The following MBTPS2 variants were observed in gnomAD, a reference collection of about 807,000 sequenced individuals.
The protein encoded by MBTPS2 is membrane-bound transcription factor site-2 protease.
Under a neutral mutation model 35.4 loss-of-function variants are expected in MBTPS2, and 2 were observed. That is an observed-to-expected ratio of 0.06 (90% CI 0.02 to 0.18). The LOEUF (loss-of-function observed/expected upper bound fraction) is 0.18. MBTPS2 is among the 10% of genes least tolerant of loss of function. The pLI is 1.00. For missense variants in MBTPS2, 244 were observed against 386.5 expected (o/e 0.63, Z 3.09); for synonymous variants, 125 against 140.4 (o/e 0.89, Z 0.77).
intron 5 of MBTPS2, among the ~76,000 whole-genome samples, chrX:21,862,500 GAA>G (rs1320187213): frequency 9.1e-6 from 1 of 109,872 alleles, no homozygotes; most frequent in Admixed American, 9.8e-5. Flanking sequence ...ATGCTAAGGG[GAA>G]AAAAAGAGTT....
chrX:21,883,407 T>G lies in MBTPS2; in HGVS notation c.*752T>G, dbSNP rs772623476. The G allele has an allele frequency of 1.3e-6, 1 of 752,967 alleles. No individual in the cohort carries two copies. The highest frequency in any genetic ancestry group is 1.5e-4 in the East Asian group (1 of 6,562). 62.1% of individuals were successfully genotyped at this position (752,967 alleles called of 1,213,427 possible). On this transcript the variant is annotated 3_prime_UTR_variant, in exon 11 of 11. Transcript: ENST00000379484. Reference sequence around the variant, plus strand: ...CAGGAAGCATCACACACCAGCAGCATGTGAGCAGAGGGAGGCAGTTGGGGT... The same window carrying G: ...CAGGAAGCATCACACACCAGCAGCAGGTGAGCAGAGGGAGGCAGTTGGGGT...
In MBTPS2 at chrX:21,869,576, G is replaced by A. The variant is rs1423227658; in HGVS notation, c.868G>A (p.Val290Met). 8.3e-7 allele frequency: 1 copy of A among 1,208,556 alleles called. No individual in the cohort carries two copies. Among genetic ancestry groups the A allele is most frequent in the South Asian group, 1.8e-5 (1 of 56,920 alleles). Residue 290 changes from valine to methionine, a missense_variant, in exon 7 of 11, where the codon GTG becomes ATG. Physicochemically the swap from Val to Met is conservative, Grantham distance 21 (BLOSUM62 1). Coordinates refer to ENST00000379484, the MANE Select transcript of MBTPS2 (RefSeq NM_015884.4). ...TCTACAGGATTGTCCTGTTACTAAT[G>A]TGCAAGATTGGAATGAATGTTTAGA... ...THLQDCPVTN[V>M]QDWNECLDTI...
At chrX:21,880,763 C>T in intron 9 of MBTPS2, 134 bp from the exon 10 acceptor site, 1 of 495,136 alleles carries the variant, frequency 2.0e-6, no homozygotes, top group Non-Finnish European at 3.6e-6. Flanking sequence ...GGTATATGGC[C>T]TGCATATGTT....
intron 9 of MBTPS2, among the ~76,000 whole-genome samples, chrX:21,879,292 T>G (rs2092956456): frequency 9.0e-6 from 1 of 111,638 alleles, no homozygotes; most frequent in Non-Finnish European, 1.9e-5. Flanking sequence ...TGTTTTTGTT[T>G]TGTTTTGAGA....
rs141887819 is a variant in MBTPS2, at chrX:21,882,334, A to G, written c.1338-99A>G. On this transcript the variant is annotated intron_variant, in intron 10 of 10. Transcript: ENST00000379484. Reference sequence around the variant, plus strand: ...TAAAGAAAGTAGAGAAGTCAAGTGTAATCTCTAATTCAGTCACAGTAAAAT... The same window carrying G: ...TAAAGAAAGTAGAGAAGTCAAGTGTGATCTCTAATTCAGTCACAGTAAAAT... 7.7e-4 allele frequency: 483 copies of G among 626,137 alleles called. 1 individual carries two copies. The African/African-American group carries it at 8.5e-3, about 11-fold the overall frequency. 51.6% of individuals were successfully genotyped at this position (626,137 alleles called of 1,213,427 possible). A position where few individuals can be genotyped will look rare whatever the true frequency, so the allele number is the denominator to read the frequency against.
Position 21,884,432 on chromosome X carries a change from C to T in MBTPS2, c.*1777C>T, listed in dbSNP as rs566910482. 3.5e-3 allele frequency: 2,576 copies of T among 726,555 alleles called. 10 individuals are homozygous for T. Among genetic ancestry groups the T allele is most frequent in the South Asian group, 8.5e-3 (120 of 14,068 alleles). 59.9% of individuals were successfully genotyped at this position (726,555 alleles called of 1,213,427 possible). On this transcript the variant is annotated 3_prime_UTR_variant, in exon 11 of 11. Coordinates refer to ENST00000379484, the MANE Select transcript of MBTPS2 (RefSeq NM_015884.4). ...GAAAAGGTTGTATATGTGCAAGTCA[C>T]TTTTTTAAAAACCAAGAAAAAACTT...
intron 6 of MBTPS2, 81 bp from the exon 7 acceptor site, chrX:21,869,417 C>T: frequency 1.4e-6 from 1 of 713,547 alleles, no homozygotes; most frequent in South Asian, 2.1e-5. Flanking sequence ...ACTTAATTAA[C>T]TCAGTGTCTT....
rs758544234 is a variant in MBTPS2 at position 21,853,472 on chromosome X, G to A, written c.639G>A (p.Ser213=). ...DLFTTHLQLI[S]PVQQLRIFCA... Reference sequence around the variant, plus strand: ...TCACCACTCATTTGCAACTTATATCGCCAGTCCAGCAGCTAAGGATATTTT... The same window carrying A: ...TCACCACTCATTTGCAACTTATATCACCAGTCCAGCAGCTAAGGATATTTT... The change falls in exon 5 of 11, where the codon TCG becomes TCA. Residue 213 remains serine (S), a synonymous_variant. Coordinates refer to ENST00000379484, the MANE Select transcript of MBTPS2 (RefSeq NM_015884.4). 1.3e-4 allele frequency: 159 copies of A among 1,205,678 alleles called. No individual in the cohort carries two copies. The South Asian group carries it at 2.1e-3, about 16-fold the overall frequency.
intron 5 of MBTPS2, among the ~76,000 whole-genome samples, chrX:21,862,967 T>TATATATATATATATA (rs1283198445): frequency 1.7e-5 from 1 of 58,368 alleles, no homozygotes; most frequent in Non-Finnish European, 3.1e-5. Context: ...TATATATATA[T>TATATATATATATATA]AAAACCGACT....
Position 21,880,953 on chromosome X carries a change from G to A in MBTPS2, c.1318G>A (p.Val440Ile). The A allele has an allele frequency of 8.3e-7, 1 of 1,201,309 alleles. No homozygotes were observed. Among genetic ancestry groups the A allele is most frequent in the African/African-American group, 1.7e-5 (1 of 57,629 alleles). ...FNFLSIDLPVVVETFVKYLIS... is the reference protein window; with the variant it reads ...FNFLSIDLPVIVETFVKYLIS... ...CTTTCTAAGCATAGATCTGCCAGTG[G>A]TTGTGGAGACATTTGTCAAGTATCC... The change falls in exon 10 of 11, where the codon GTT becomes ATT. Residue 440 changes from valine (V) to isoleucine (I), a missense_variant. Transcript: ENST00000379484.
At chrX:21,859,605 G>A (rs1057481474) in intron 5 of MBTPS2, among the ~76,000 whole-genome samples, 1 of 109,114 alleles carries the variant, frequency 9.2e-6, no homozygotes, top group African/African-American at 3.3e-5. Flanking sequence ...TACATCCTGT[G>A]TAATAGAAAA....
At position 21,884,298 on chromosome X, in the gene MBTPS2, A is replaced by G; in HGVS notation, c.*1643A>G. The stretch of plus-strand genomic sequence containing the variant: ...AGACAATCATTTGGGATCAGAGTAC[A>G]TTAGCATAGTAATGCTCAGTCAGAC... On this transcript the variant is annotated 3_prime_UTR_variant, in exon 11 of 11. Coordinates refer to ENST00000379484, the MANE Select transcript of MBTPS2 (RefSeq NM_015884.4). The G allele has an allele frequency of 2.7e-6, 2 of 737,545 alleles. No individual in the cohort carries two copies. Among genetic ancestry groups the G allele is most frequent in the Non-Finnish European group, 3.2e-6 (2 of 623,575 alleles). 60.8% of individuals were successfully genotyped at this position (737,545 alleles called of 1,213,427 possible).
chrX:21,870,382 C>G (rs965088777), intron 7 of MBTPS2: 1 of 111,126 alleles, frequency 9.0e-6, no homozygotes, highest in Admixed American at 9.6e-5. Context: ...TAATAAGAAC[C>G]GGTTCTACTT....
chrX:21,874,023 T>A (rs1285554635), intron 7 of MBTPS2, among the ~76,000 whole-genome samples: 1 of 79,803 alleles, frequency 1.3e-5, no homozygotes, highest in African/African-American at 4.9e-5. Flanking sequence ...ATATATACTT[T>A]TTTTTTTTTT....
chrX:21,873,319 T>C (rs770439079), intron 7 of MBTPS2, among the ~76,000 whole-genome samples: 230 of 112,087 alleles, frequency 2.1e-3, no homozygotes, highest in Non-Finnish European at 3.4e-3. Context: ...CCCATTCATA[T>C]TGAAGCCTCT....
At chrX:21,859,679 T>C (rs2092928726) in intron 5 of MBTPS2, among the ~76,000 whole-genome samples, 1 of 111,719 alleles carries the variant, frequency 9.0e-6, no homozygotes. Flanking sequence ...ATACAGAAGC[T>C]AGAACTAAAG....
At chrX:21,856,906 C>T in intron 5 of MBTPS2, 1 of 1,211,610 alleles carries the variant, frequency 8.3e-7, no homozygotes, top group Non-Finnish European at 1.1e-6. Context: ...AGCAAAAAGC[C>T]CAGCAAAAAG....
In MBTPS2 at chrX:21,843,286, G is replaced by C; in HGVS notation, c.192G>C (p.Trp64Cys). 1 of 1,211,457 alleles carries C rather than the reference G, an allele frequency of 8.3e-7. No homozygotes were observed. The highest frequency in any genetic ancestry group is 1.1e-6 in the Non-Finnish European group (1 of 895,320). ...TAVFNRAFYSWGRRKARMLYQ... is the reference protein window; with the variant it reads ...TAVFNRAFYSCGRRKARMLYQ... ...TTTTCAATCGTGCCTTTTACAGTTG[G>C]GGACGGCGGAAAGCAAGGATGCTTT... Residue 64 changes from tryptophan to cysteine, a missense_variant, in exon 2 of 11, where the codon TGG becomes TGC. Physicochemically the swap from Trp to Cys is radical, Grantham distance 215 (BLOSUM62 -2). Transcript: ENST00000379484.
rs1228201504 is a variant in MBTPS2 at position 21,883,290 on chromosome X, A to T, written c.*635A>T. On this transcript the variant is annotated 3_prime_UTR_variant, in exon 11 of 11. Transcript: ENST00000379484. ...AGGAAGTAGGGCCTATGATATCGTG[A>T]GACATGTTTTGCCCCACAAGAGTTG... 27 of 754,701 alleles carry T rather than the reference A, an allele frequency of 3.6e-5. No individual in the cohort carries two copies. The highest frequency in any genetic ancestry group is 4.1e-5 in the Non-Finnish European group (26 of 640,331). 62.2% of individuals were successfully genotyped at this position (754,701 alleles called of 1,213,427 possible).
Sources: gnomAD v4.1 joint callset for allele counts (sites outside exome capture counted in the v4.1 genomes callset) on GRCh38, gnomAD v4.1.1 for gene constraint, MANE v1.5 for transcripts, NCBI Gene and HGNC (gene_info 2026-07-23, HGNC 2026-07-21) for gene names.